The following CFAP74 variants were observed in gnomAD, a reference collection of about 807,000 sequenced individuals.
CFAP74 encodes cilia and flagella associated protein 74, also known as cilia- and flagella-associated protein 74.
In CFAP74, 124 loss-of-function variants were observed where a neutral mutation model predicts 188.9. The ratio of observed to expected loss-of-function variants is 0.66; its 90% CI spans 0.57 to 0.76. The LOEUF (loss-of-function observed/expected upper bound fraction) is 0.76. Among genes scored for constraint, CFAP74 ranks in the 30% least tolerant of loss-of-function variants. CFAP74 has a pLI of 0.00. For synonymous variants in CFAP74, 956 were observed against 916.7 expected, an observed-to-expected ratio of 1.04 and a Z score of -0.77; for missense variants, 2,198 against 2,165.2, an observed-to-expected ratio of 1.02 and a Z score of -0.30.
rs773538654 is a variant in CFAP74, at chr1:1,963,820, G to A, written c.1623C>T (p.Asn541=). The change falls in exon 14 of 39, where the codon AAC becomes AAT. Residue 541 remains asparagine, a synonymous_variant. Coordinates refer to ENST00000682832, the MANE Select transcript of CFAP74 (RefSeq NM_001304360.2). The stretch of plus-strand genomic sequence containing the variant: ...TGCAGTAGTTGATCGTGTAGGTGGT[G>A]TTTACCAACGTGATCTTTTTCTTGT... The part of the protein sequence containing the change: ...KVYKKKITLV[N]TTYTINYCKL... The A allele has an allele frequency of 2.5e-6, 4 of 1,613,896 alleles. No homozygotes were observed. Among genetic ancestry groups the A allele is most frequent in the Non-Finnish European group, 3.4e-6 (4 of 1,179,910 alleles).
chr1:1,948,111 T>TC (rs1307372339), intron 18 of CFAP74, among the ~76,000 whole-genome samples: 2 of 152,090 alleles, frequency 1.3e-5, no homozygotes, highest in African/African-American at 4.8e-5. Context: ...GACCTTGTGA[T>TC]CTGCCCACCT....
In CFAP74 at chr1:1,948,950, C is replaced by T. The variant is rs28490251; in HGVS notation, c.2177-1896G>A. On this transcript the variant is annotated intron_variant, in intron 18 of 38. Transcript: ENST00000682832. ...CTTCCTCTTTCCTCCCTTCCTTTCC[C>T]TCCCTTACTCCCTTCCTTCCTCCTT... 8.7e-4 allele frequency among the ~76,000 whole-genome samples: 16 copies of T among 18,382 alleles called. 3 individuals carry two copies. The highest frequency in any genetic ancestry group is 1.8e-3 in the Admixed American group (3 of 1,670). 12.1% of individuals were successfully genotyped at this position (18,382 alleles called of 152,430 possible). A position where few individuals can be genotyped will look rare whatever the true frequency, so the allele number is the denominator to read the frequency against.
At chr1:2,000,427 C>T (rs886961794) in intron 1 of CFAP74, among the ~76,000 whole-genome samples, 2 of 152,166 alleles carry the variant, frequency 1.3e-5, no homozygotes, top group South Asian at 2.1e-4. Context: ...TCTGGCTCTG[C>T]GATTCCTCTC....
intron 1 of CFAP74, among the ~76,000 whole-genome samples, chr1:1,993,856 C>T (rs564998839): frequency 2.3e-3 from 351 of 151,134 alleles, no homozygotes; most frequent in Middle Eastern, 6.8e-3. Context: ...GTGGCGGGCG[C>T]CTATAGTCCC....
At chr1:1,938,644 T>A (rs1028609217) in intron 25 of CFAP74, among the ~76,000 whole-genome samples, 1 of 152,150 alleles carries the variant, frequency 6.6e-6, no homozygotes, top group Non-Finnish European at 1.5e-5. Context: ...CACACACGTC[T>A]GAGTGGGCCC....
At position 1,939,589 on chromosome 1, in the gene CFAP74, G is replaced by A; in HGVS notation, c.2877+5C>T. ...TCTTACCCCAGGCCTGGCTGCAGGAGGTACCTTGGGAAGCCTGACGAACCC... is the reference window on the plus strand; with the variant it reads ...TCTTACCCCAGGCCTGGCTGCAGGAAGTACCTTGGGAAGCCTGACGAACCC... On this transcript the variant is annotated splice_donor_5th_base_variant and intron_variant, in intron 24 of 38. Coordinates refer to ENST00000682832, the MANE Select transcript of CFAP74 (RefSeq NM_001304360.2). The A allele has an allele frequency of 1.3e-6, 2 of 1,534,818 alleles. No individual in the cohort carries two copies. Among genetic ancestry groups the A allele is most frequent in the South Asian group, 2.4e-5 (2 of 84,038 alleles).
chr1:1,927,912 G>T, intron 27 of CFAP74, 166 bp from the exon 28 acceptor site: 1 of 681,148 alleles, frequency 1.5e-6, no homozygotes, highest in Non-Finnish European at 2.4e-6. Context: ...TAGCCAGTGC[G>T]GAGGGGCACA....
intron 11 of CFAP74, among the ~76,000 whole-genome samples, chr1:1,967,445 T>C (rs569600916): frequency 1.3e-5 from 1 of 78,324 alleles, no homozygotes; most frequent in South Asian, 4.8e-4. Flanking sequence ...CGGGTGGGGG[T>C]GGGGGCAGGG....
intron 1 of CFAP74, among the ~76,000 whole-genome samples, chr1:1,995,197 C>T (rs563454482): frequency 2.6e-5 from 4 of 152,212 alleles, no homozygotes; most frequent in East Asian, 3.9e-4. Context: ...CTTTAATTCT[C>T]GTAAAAATGT....
intron 17 of CFAP74, among the ~76,000 whole-genome samples, chr1:1,956,325 G>A (rs919361625): frequency 6.6e-6 from 1 of 152,186 alleles, no homozygotes; most frequent in Non-Finnish European, 1.5e-5. Flanking sequence ...TGCGTCGGGG[G>A]AGGCTGGGTC....
At chr1:1,947,571 G>C (rs1653857679) in intron 18 of CFAP74, among the ~76,000 whole-genome samples, 1 of 152,372 alleles carries the variant, frequency 6.6e-6, no homozygotes, top group East Asian at 1.9e-4. Flanking sequence ...CCGGGTAGCA[G>C]AGCTGTTTCC....
intron 1 of CFAP74, among the ~76,000 whole-genome samples, chr1:1,995,744 C>A (rs1657883818): frequency 6.6e-6 from 1 of 151,392 alleles, no homozygotes; most frequent in African/African-American, 2.4e-5. Flanking sequence ...CCCGTCTCTA[C>A]TAAAAATACA....
intron 10 of CFAP74, among the ~76,000 whole-genome samples, chr1:1,970,429 G>A (rs748270502): frequency 1.4e-4 from 21 of 152,170 alleles, no homozygotes; most frequent in African/African-American, 3.4e-4. Context: ...AGAAGGGGCC[G>A]AGGGTTGGGC....
At chr1:1,966,605 C>A in intron 11 of CFAP74, 79 bp from the exon 12 acceptor site, 1 of 1,317,376 alleles carries the variant, frequency 7.6e-7, no homozygotes, top group Non-Finnish European at 9.9e-7. Flanking sequence ...CAGCCCCCGC[C>A]GGTATGGCCC....
intron 1 of CFAP74, among the ~76,000 whole-genome samples, chr1:2,002,686 A>C (rs1417834921): frequency 6.6e-6 from 1 of 150,696 alleles, no homozygotes; most frequent in African/African-American, 2.4e-5. Flanking sequence ...ACAAAAATTT[A>C]AAGAATATAT....
chr1:1,928,357 G>A (rs1209882163), intron 27 of CFAP74, among the ~76,000 whole-genome samples: 4 of 152,230 alleles, frequency 2.6e-5, no homozygotes, highest in Non-Finnish European at 5.9e-5. Flanking sequence ...CCCGTGGGAG[G>A]AAGCCAGGCT....
chr1:1,925,396 C>T (rs1161048601), intron 33 of CFAP74, among the ~76,000 whole-genome samples: 3 of 149,944 alleles, frequency 2.0e-5, no homozygotes, highest in Non-Finnish European at 4.4e-5. Flanking sequence ...CAGGGCAGTG[C>T]GGCTCACTGC....
At chr1:1,926,031 G>C in intron 32 of CFAP74, 93 bp from the exon 33 acceptor site, 1 of 1,439,700 alleles carries the variant, frequency 6.9e-7, no homozygotes, top group South Asian at 1.4e-5. Context: ...CAACGCTGGA[G>C]TTGAGACAGC....
chr1:1,943,170 C>T (rs1181868082), intron 21 of CFAP74, among the ~76,000 whole-genome samples: 4 of 152,216 alleles, frequency 2.6e-5, no homozygotes, highest in Non-Finnish European at 5.9e-5. Flanking sequence ...ACAACCACAG[C>T]CGGAGACCAT....
Sources: allele counts gnomAD v4.1 joint callset (sites outside exome capture counted in the v4.1 genomes callset), GRCh38; gene constraint gnomAD v4.1.1; transcripts MANE v1.5; gene names NCBI Gene and HGNC (gene_info 2026-07-23, HGNC 2026-07-21).